The following IL1F10 variants were observed in gnomAD, a reference collection of about 807,000 sequenced individuals.
IL1F10 encodes interleukin-1 family member 10.
IL1F10 carries 13 observed loss-of-function variants against 13.1 expected under a neutral mutation model. The observed-to-expected ratio is 0.99, with a 90% CI of 0.64 to 1.57. The LOEUF (loss-of-function observed/expected upper bound fraction) is 1.57. Among genes scored for constraint, IL1F10 ranks in the 40% most tolerant of loss-of-function variants. The pLI is 0.00. For missense variants in IL1F10, 191 were observed against 184.1 expected (o/e 1.04, Z -0.22); for synonymous variants, 78 against 68.2 (o/e 1.14, Z -0.71).
At chr2:113,074,879 C>T (rs367802130) in intron 4 of IL1F10, 29 bp downstream of exon 4, 27 of 1,605,858 alleles carry the variant, frequency 1.7e-5, no homozygotes, top group African/African-American at 2.7e-5. Context: ...TTCTAGGGGA[C>T]ACTGCAGACC....
Position 113,075,503 on chromosome 2 carries a change from T to C in IL1F10, c.*139T>C, listed in dbSNP as rs1558849062. 1 of 551,736 alleles carries C rather than the reference T, an allele frequency of 1.8e-6. No homozygotes were observed. Among genetic ancestry groups the C allele is most frequent in the African/African-American group, 1.9e-5 (1 of 52,206 alleles). 34.2% of individuals were successfully genotyped at this position (551,736 alleles called of 1,614,324 possible). Reference sequence around the variant, plus strand: ...ATCTGTGCATATGTTACCATACATGTCCAAAGAGGTTTTGCAAATGTGATT... The same window carrying C: ...ATCTGTGCATATGTTACCATACATGCCCAAAGAGGTTTTGCAAATGTGATT... On this transcript the variant is annotated 3_prime_UTR_variant, in exon 5 of 5. Transcript: ENST00000341010.
At chr2:113,069,303 GA>G (rs5833479) in intron 1 of IL1F10, among the ~76,000 whole-genome samples, 119,511 of 152,134 alleles carry the variant, frequency 0.79, 47,986 homozygotes, top group African/African-American at 0.94. Context: ...GGGATGTGGT[GA>G]AAAAAATCTT....
intron 1 of IL1F10, among the ~76,000 whole-genome samples, chr2:113,071,093 A>T (rs1197907437): frequency 6.6e-6 from 1 of 152,238 alleles, no homozygotes; most frequent in African/African-American, 2.4e-5. Context: ...TTAAAAAATT[A>T]CTCATAAAGC....
At chr2:113,071,917 C>T (rs1558847271) in intron 1 of IL1F10, among the ~76,000 whole-genome samples, 1 of 152,240 alleles carries the variant, frequency 6.6e-6, no homozygotes, top group African/African-American at 2.4e-5. Flanking sequence ...TAATTTCCAA[C>T]TCCTGATTAG....
At position 113,075,279 on chromosome 2, in the gene IL1F10, C is replaced by A; in HGVS notation, c.374C>A (p.Pro125Gln). The A allele has an allele frequency of 6.2e-7, 1 of 1,612,368 alleles. No homozygotes were observed. The highest frequency in any genetic ancestry group is 2.2e-5 in the East Asian group (1 of 44,802). Residue 125 changes from proline (P) to glutamine (Q), a missense_variant, in exon 5 of 5, where the codon CCG becomes CAG. By Grantham distance (76) the Pro-to-Gln change is moderately conservative. Coordinates refer to ENST00000341010, the MANE Select transcript of IL1F10 (RefSeq NM_173161.3). ...TGGCCTGGCTGGTTCCTGTGTGGCC[C>A]GGCAGAGCCCCAGCAGCCAGTACAG... The part of the protein sequence containing the change: ...AAWPGWFLCG[P>Q]AEPQQPVQLT...
intron 1 of IL1F10, among the ~76,000 whole-genome samples, chr2:113,071,731 G>A (rs1446051320): frequency 6.6e-6 from 1 of 152,144 alleles, no homozygotes; most frequent in East Asian, 1.9e-4. Flanking sequence ...GGGTCCCTCA[G>A]CATCTCTCTA....
chr2:113,069,002 A>G (rs932698180), intron 1 of IL1F10, among the ~76,000 whole-genome samples: 3 of 152,134 alleles, frequency 2.0e-5, no homozygotes, highest in African/African-American at 7.2e-5. Flanking sequence ...CTGTAACTCT[A>G]CACTGGTAAT....
At chr2:113,072,634 G>T (rs990964816) in intron 1 of IL1F10, 77 bp from the exon 2 acceptor site, 14 of 957,708 alleles carry the variant, frequency 1.5e-5, no homozygotes, top group East Asian at 2.6e-5. Context: ...TTGGCTGAGT[G>T]GTTCTAAGCC....
intron 1 of IL1F10, among the ~76,000 whole-genome samples, chr2:113,071,323 A>G (rs1020388772): frequency 1.3e-5 from 2 of 152,236 alleles, no homozygotes; most frequent in African/African-American, 4.8e-5. Flanking sequence ...TTAGCCAATT[A>G]CCTATTACTG....
intron 2 of IL1F10, among the ~76,000 whole-genome samples, chr2:113,073,043 G>A (rs1003441727): frequency 4.6e-5 from 7 of 152,190 alleles, no homozygotes; most frequent in Non-Finnish European, 8.8e-5. Context: ...CTCAAAGAGG[G>A]TAAATAACTT....
At position 113,075,360 on chromosome 2, in the gene IL1F10, G is replaced by T. The variant is rs778336458; in HGVS notation, c.455G>T (p.Trp152Leu). 1.3e-6 allele frequency: 2 copies of T among 1,560,234 alleles called. No homozygotes were observed. Among genetic ancestry groups the T allele is most frequent in the Admixed American group, 1.9e-5 (1 of 53,626 alleles). Residue 152 changes from tryptophan to leucine, a missense_variant, in exon 5 of 5, where the codon TGG (tryptophan) becomes TTG (leucine). Trp to Leu is a moderately conservative substitution (Grantham distance 61, BLOSUM62 -2). Transcript: ENST00000341010. ...ACCAAGTTTTACTTTGAACAGAGCTGGTAGGGAGACAGGAAACTGCGTTTT... is the reference window on the plus strand; with the variant it reads ...ACCAAGTTTTACTTTGAACAGAGCTTGTAGGGAGACAGGAAACTGCGTTTT... ...ARTKFYFEQSW is the reference protein window; with the variant it reads ...ARTKFYFEQSL
At chr2:113,070,971 AG>A (rs1685825341) in intron 1 of IL1F10, among the ~76,000 whole-genome samples, 1 of 152,240 alleles carries the variant, frequency 6.6e-6, no homozygotes, top group African/African-American at 2.4e-5. Context: ...GCAGATGGGC[AG>A]GCACATTTAG....
At chr2:113,073,695 C>A (rs574101264) in intron 2 of IL1F10, among the ~76,000 whole-genome samples, 1 of 152,096 alleles carries the variant, frequency 6.6e-6, no homozygotes, top group Non-Finnish European at 1.5e-5. Flanking sequence ...AGGGTATTAT[C>A]GTTAGCTGTT....
chr2:113,071,094 C>T (rs1318565207), intron 1 of IL1F10, among the ~76,000 whole-genome samples: 1 of 152,194 alleles, frequency 6.6e-6, no homozygotes, highest in Non-Finnish European at 1.5e-5. Flanking sequence ...TAAAAAATTA[C>T]TCATAAAGCC....
Position 113,074,767 on chromosome 2 carries a change from G to T in IL1F10, c.163G>T (p.Val55Phe), listed in dbSNP as rs761452549. The T allele has an allele frequency of 2.5e-6, 4 of 1,613,676 alleles. No individual in the cohort carries two copies. In the South Asian group the frequency reaches 4.4e-5, roughly 18 times the overall value. ...TAACAGAGGCTTGGCCCGCACCAAG[G>T]TCCCCATTTTCCTGGGGATCCAGGG... is the stretch of plus-strand genomic sequence containing the variant. ...LPNRGLARTKVPIFLGIQGGS... is the reference protein window; with the variant it reads ...LPNRGLARTKFPIFLGIQGGS... Residue 55 changes from valine (V) to phenylalanine (F), a missense_variant, in exon 4 of 5, where the codon GTC (valine) becomes TTC (phenylalanine). By Grantham distance (50) the Val-to-Phe change is conservative. Transcript: ENST00000341010.
At chr2:113,072,865 C>T (rs2105078095) in intron 2 of IL1F10, 95 bp downstream of exon 2, 1 of 1,091,856 alleles carries the variant, frequency 9.2e-7, no homozygotes, top group Middle Eastern at 2.0e-4. Flanking sequence ...CTCCTTCTCA[C>T]CTTAGAAATT....
intron 1 of IL1F10, among the ~76,000 whole-genome samples, chr2:113,071,333 G>A (rs967091241): frequency 3.9e-5 from 6 of 152,056 alleles, no homozygotes; most frequent in African/African-American, 1.2e-4. Context: ...ACCTATTACT[G>A]AAAATTCAGA....
At chr2:113,071,155 AT>A (rs1446275113) in intron 1 of IL1F10, among the ~76,000 whole-genome samples, 2 of 152,240 alleles carry the variant, frequency 1.3e-5, no homozygotes, top group African/African-American at 4.8e-5. Flanking sequence ...ATGTGTCTCT[AT>A]GTGTGGATTT....
At chr2:113,075,012 C>T (rs1019836239) in intron 4 of IL1F10, 140 bp from the exon 5 acceptor site, 10 of 1,217,988 alleles carry the variant, frequency 8.2e-6, no homozygotes, top group Admixed American at 6.3e-5. Flanking sequence ...AAGACCCTTG[C>T]CCTCTAGAAT....
Sources: gnomAD v4.1 joint callset for allele counts (sites outside exome capture counted in the v4.1 genomes callset) on GRCh38, gnomAD v4.1.1 for gene constraint, MANE v1.5 for transcripts, NCBI Gene and HGNC (gene_info 2026-07-23, HGNC 2026-07-21) for gene names.